The following HSPA12A variants were observed in gnomAD, a reference collection of about 807,000 sequenced individuals.
HSPA12A encodes the protein heat shock 70 kDa protein 12A.
Under a neutral mutation model 69.2 loss-of-function variants are expected in HSPA12A, and 28 were observed. The ratio of observed to expected loss-of-function variants is 0.40; its 90% CI spans 0.30 to 0.55. The LOEUF (loss-of-function observed/expected upper bound fraction) is 0.55, where lower values mean the gene tolerates loss of function less well. HSPA12A is among the 20% of genes least tolerant of loss of function. The probability of loss-of-function intolerance (pLI) is 0.38; values close to 1 mark genes in which losing one functional copy is unlikely to be tolerated. For synonymous variants in HSPA12A, 345 were observed against 370.5 expected (o/e 0.93, Z 0.79); for missense variants, 686 against 900.7 (o/e 0.76, Z 3.05).
chr10:116,732,324 A>AAAAGAAAG lies in HSPA12A; in HGVS notation c.40+10105_40+10106insCTTTCTTT, dbSNP rs367920669. On this transcript the variant is annotated intron_variant, in intron 1 of 11. Transcript: ENST00000369209. ...CAGCCTGGGTGACTCCGTCTCAAAA[A>AAAAGAAAG]AAACAAAGAAAGAAAGAAAGAAAGA... 1.5e-4 allele frequency among the ~76,000 whole-genome samples: 4 copies of AAAAGAAAG among 27,502 alleles called. No individual in the cohort carries two copies. The East Asian group carries it at 4.0e-3, about 28-fold the overall frequency. 18.0% of individuals were successfully genotyped at this position (27,502 alleles called of 152,430 possible).
rs535059378 is a variant in HSPA12A, at chr10:116,708,601, C to T, written c.41-1316G>A. Among the ~76,000 whole-genome samples, 6 of 152,330 alleles carry T rather than the reference C, an allele frequency of 3.9e-5. No individual in the cohort carries two copies. The South Asian group carries it at 1.0e-3, about 26-fold the overall frequency. On this transcript the variant is annotated intron_variant, in intron 1 of 11. Coordinates refer to ENST00000369209, the MANE Select transcript of HSPA12A (RefSeq NM_025015.3). Reference sequence around the variant, plus strand: ...GGGAATGTGAAGCCTCAAATCTGCACAGCCACCTCCCACTCTCTGCAAGCT... The same window carrying T: ...GGGAATGTGAAGCCTCAAATCTGCATAGCCACCTCCCACTCTCTGCAAGCT...
At chr10:116,718,342 A>T (rs10749229) in intron 1 of HSPA12A, among the ~76,000 whole-genome samples, 9 of 152,042 alleles carry the variant, frequency 5.9e-5, no homozygotes, top group Non-Finnish European at 8.8e-5. Flanking sequence ...AGGTAAGGGT[A>T]GGGAAGGTGA....
At chr10:116,740,961 TAAAAAAAAAAA>T (rs5788190) in intron 1 of HSPA12A, among the ~76,000 whole-genome samples, 9 of 84,708 alleles carry the variant, frequency 1.1e-4, no homozygotes, top group African/African-American at 4.2e-4. Flanking sequence ...AGGAAAAAAG[TAAAAAAAAAAA>T]AAAAAAAAAA....
At chr10:116,794,970 T>C (rs987252970) in intron 2 of HSPA12A, among the ~76,000 whole-genome samples, 1 of 152,198 alleles carries the variant, frequency 6.6e-6, no homozygotes, top group Non-Finnish European at 1.5e-5. Flanking sequence ...TCAAAACTTA[T>C]AAGATGTAAC....
Position 116,674,914 on chromosome 10 carries a change from C to T in HSPA12A, c.1895G>A (p.Ser632Asn), listed in dbSNP as rs1554877339. 14 of 1,614,170 alleles carry T rather than the reference C, an allele frequency of 8.7e-6. No homozygotes were observed. The highest frequency in any genetic ancestry group is 6.7e-5 in the Admixed American group (4 of 60,028). The change falls in exon 12 of 12, where the codon AGT (serine) becomes AAT (asparagine). Residue 632 changes from serine (S) to asparagine (N), a missense_variant. Ser to Asn is a conservative substitution (Grantham distance 46). Transcript: ENST00000369209. ...GTLRLDLTGTSGTAVPARREI... is the reference protein window; with the variant it reads ...GTLRLDLTGTNGTAVPARREI... The stretch of plus-strand genomic sequence containing the variant: ...CCTCCGGGCGGGCACCGCAGTGCCA[C>T]TGGTCCCTGTGAGATCCAGGCGGAG...
chr10:116,692,647 G>A (rs1166623524), intron 5 of HSPA12A, among the ~76,000 whole-genome samples, 180 bp from the exon 6 acceptor site: 2 of 152,160 alleles, frequency 1.3e-5, no homozygotes, highest in Admixed American at 1.3e-4. Context: ...CTGCAAGCCG[G>A]GAGCTCTAGC....
chr10:116,754,191 C>T (rs1843774137), intron 2 of HSPA12A, among the ~76,000 whole-genome samples: 1 of 152,174 alleles, frequency 6.6e-6, no homozygotes, highest in African/African-American at 2.4e-5. Flanking sequence ...AGGAAGTGGG[C>T]TCTTCCCTAA....
At chr10:116,819,395 G>A (rs1029710815) in intron 2 of HSPA12A, among the ~76,000 whole-genome samples, 1 of 152,156 alleles carries the variant, frequency 6.6e-6, no homozygotes, top group East Asian at 1.9e-4. Flanking sequence ...TTCCTATGTT[G>A]AAATCTAATT....
At chr10:116,729,571 TAAAC>T (rs772993056) in intron 1 of HSPA12A, among the ~76,000 whole-genome samples, 132 of 152,276 alleles carry the variant, frequency 8.7e-4, no homozygotes, top group Middle Eastern at 3.4e-3. Flanking sequence ...AACAATAACA[TAAAC>T]AGTCAATTAA....
At position 116,820,298 on chromosome 10, in the gene HSPA12A, G is replaced by C. The variant is rs571052583; in HGVS notation, c.91+14637C>G. Among the ~76,000 whole-genome samples, 132 of 152,330 alleles carry C rather than the reference G, an allele frequency of 8.7e-4. 2 individuals are homozygous for C. The South Asian group carries it at 0.026, about 30-fold the overall frequency. ...GACGTGAGAGTATCAAAGGGAAAGA[G>C]ATTAATTTTGCCATTTTTAGGGACC... On this transcript the variant is annotated intron_variant, in intron 2 of 12. Transcript: ENST00000635765.
chr10:116,710,999 AAAT>A lies in HSPA12A; in HGVS notation c.41-3717_41-3715del. On this transcript the variant is annotated intron_variant, in intron 1 of 11. Transcript: ENST00000369209. This position sits in a 1 kb window ranked among gnomAD's most constrained non-coding sequence, Gnocchi z 4.1. ...GCTTGAGATCTTTCATTCAGTAGGT[AAAT>A]GATCAGAAATAAAATACAGAATATT... Among the ~76,000 whole-genome samples, 1 of 152,190 alleles carries A rather than the reference AAAT, an allele frequency of 6.6e-6. No individual in the cohort carries two copies. The highest frequency in any genetic ancestry group is 1.5e-5 in the Non-Finnish European group (1 of 68,036).
rs74161329 is a variant in HSPA12A at position 116,821,241 on chromosome 10, T to C, written c.91+13694A>G. ...ACCTCAGAGGAGAAGCTGGAGTCCT[T>C]GCCAGGCCCTATAAGGCCCTACGTG... On this transcript the variant is annotated intron_variant, in intron 2 of 12. Coordinates refer to the HSPA12A transcript ENST00000635765. Among the ~76,000 whole-genome samples the C allele has an allele frequency of 9.9e-3, 1,513 of 152,292 alleles. 26 individuals are homozygous for C. The highest frequency in any genetic ancestry group is 0.032 in the African/African-American group (1,318 of 41,552).
At chr10:116,815,366 G>A (rs993123931) in intron 2 of HSPA12A, among the ~76,000 whole-genome samples, 3 of 151,852 alleles carry the variant, frequency 2.0e-5, no homozygotes, top group African/African-American at 7.3e-5. Flanking sequence ...AGGAGTTTGA[G>A]ACCAGCCTGG....
Position 116,809,202 on chromosome 10 carries a change from T to A in HSPA12A, c.91+25733A>T, listed in dbSNP as rs542659451. 7.2e-4 allele frequency among the ~76,000 whole-genome samples: 109 copies of A among 152,240 alleles called. 2 individuals carry two copies. In the South Asian group the frequency reaches 0.022, roughly 30 times the overall value. On this transcript the variant is annotated intron_variant, in intron 2 of 12. Transcript: ENST00000635765. ...CAGAGGCTTTTCCTGACATTTTACA[T>A]GTTGATGAGGCACAGTTACTTGCAG...
At chr10:116,846,550 A>G (rs1845889271) in intron 1 of HSPA12A, among the ~76,000 whole-genome samples, 1 of 152,012 alleles carries the variant, frequency 6.6e-6, no homozygotes, top group African/African-American at 2.4e-5. Flanking sequence ...GGGTTTCACC[A>G]TGTTGGCCAG....
At chr10:116,843,362 C>G (rs1220416977) in intron 1 of HSPA12A, among the ~76,000 whole-genome samples, 1 of 152,174 alleles carries the variant, frequency 6.6e-6, no homozygotes, top group African/African-American at 2.4e-5. Flanking sequence ...GGTTTTCAGA[C>G]AAATACTGCA....
chr10:116,707,732 G>A (rs1554882679), intron 1 of HSPA12A, among the ~76,000 whole-genome samples: 1 of 152,134 alleles, frequency 6.6e-6, no homozygotes, highest in Non-Finnish European at 1.5e-5. Context: ...AAGGGGTGAG[G>A]GGTACCTCCC....
At chr10:116,826,128 T>C (rs1229233897) in intron 2 of HSPA12A, among the ~76,000 whole-genome samples, 1 of 152,074 alleles carries the variant, frequency 6.6e-6, no homozygotes, top group African/African-American at 2.4e-5. Context: ...ATAACTCCTA[T>C]GCACCTTCAC....
At chr10:116,732,328 C>T (rs200263022) in intron 1 of HSPA12A, among the ~76,000 whole-genome samples, 1 of 124,076 alleles carries the variant, frequency 8.1e-6, no homozygotes, top group Non-Finnish European at 1.8e-5. Flanking sequence ...TCAAAAAAAA[C>T]AAAGAAAGAA....
Sources: allele counts gnomAD v4.1 joint callset (sites outside exome capture counted in the v4.1 genomes callset), GRCh38; gene constraint gnomAD v4.1.1; non-coding constraint Gnocchi (gnomAD v3.1); transcripts MANE v1.5; gene names NCBI Gene and HGNC (gene_info 2026-07-23, HGNC 2026-07-21).